USP38: variants seen among roughly 807,000 people sequenced by gnomAD.
USP38 encodes ubiquitin carboxyl-terminal hydrolase 38.
In USP38, 49 loss-of-function variants were observed where a neutral mutation model predicts 94.3. That is an observed-to-expected ratio of 0.52 (90% CI 0.41 to 0.66). The LOEUF (loss-of-function observed/expected upper bound fraction) is 0.66. USP38 is among the 30% of genes least tolerant of loss of function. The probability of loss-of-function intolerance (pLI) is 0.00; values close to 1 mark genes in which losing one functional copy is unlikely to be tolerated. For missense variants in USP38, 1,128 were observed against 1,229.4 expected (o/e 0.92, Z 1.23); for synonymous variants, 468 against 463.6 (o/e 1.01, Z -0.12).
chr4:143,204,033 G>A (rs1731792271), intron 5 of USP38, among the ~76,000 whole-genome samples: 1 of 150,942 alleles, frequency 6.6e-6, no homozygotes, highest in East Asian at 1.9e-4. Context: ...CTAGGCTGGA[G>A]TGCAGTGGTA....
rs939054772 is a variant in USP38 at position 143,222,671 on chromosome 4, A to G, written c.*2215A>G. On this transcript the variant is annotated 3_prime_UTR_variant, in exon 10 of 10. Transcript: ENST00000307017. ...CCAAAAACTTGAAGACTTCCTTTTAACATTAAAAATACAGTAACTTTTTAC... is the reference window on the plus strand; with the variant it reads ...CCAAAAACTTGAAGACTTCCTTTTAGCATTAAAAATACAGTAACTTTTTAC... 6.6e-6 allele frequency: 1 copy of G among 152,114 alleles called. No individual in the cohort carries two copies. The highest frequency in any genetic ancestry group is 2.4e-5 in the African/African-American group (1 of 41,450). 9.4% of individuals were successfully genotyped at this position (152,114 alleles called of 1,614,324 possible). A position where few individuals can be genotyped will look rare whatever the true frequency, so the allele number is the denominator to read the frequency against.
chr4:143,214,008 A>C lies in USP38; in HGVS notation c.2032A>C (p.Ile678Leu), dbSNP rs752980949. The C allele has an allele frequency of 6.2e-7, 1 of 1,613,658 alleles. No homozygotes were observed. The highest frequency in any genetic ancestry group is 1.3e-5 in the African/African-American group (1 of 75,032). ...ICDSLVNEKT[I>L]GSPPNEFYCS... ...TGACTCACTTGTGAATGAAAAAACC[A>C]TAGGCAGTCCTCCTAATGAGTTTTA... is the stretch of plus-strand genomic sequence containing the variant. Residue 678 changes from isoleucine (I) to leucine (L), a missense_variant, in exon 9 of 10, where the codon ATA becomes CTA. Transcript: ENST00000307017.
At position 143,220,482 on chromosome 4, in the gene USP38, G is replaced by A. The variant is rs1159849802; in HGVS notation, c.*26G>A. The A allele has an allele frequency of 1.9e-6, 3 of 1,593,094 alleles. No homozygotes were observed. ...TCCTGAGAGAGTCCAAAATGCACTG[G>A]TCACGAAACGTCTAATACTATGACT... is the stretch of plus-strand genomic sequence containing the variant. On this transcript the variant is annotated 3_prime_UTR_variant, in exon 10 of 10. Coordinates refer to ENST00000307017, the MANE Select transcript of USP38 (RefSeq NM_032557.6).
At chr4:143,215,191 C>T (rs576519611) in intron 9 of USP38, 2 of 463,986 alleles carry the variant, frequency 4.3e-6, no homozygotes, top group African/African-American at 2.0e-5. Flanking sequence ...ATGGCTCATT[C>T]TGAAATCATG....
In USP38 at chr4:143,206,246, T is replaced by G. The variant is rs55760681; in HGVS notation, c.1403+20T>G. 8,005 of 1,537,094 alleles carry G rather than the reference T, an allele frequency of 5.2e-3. 375 individuals carry two copies. In the African/African-American group the frequency reaches 0.1, roughly 19 times the overall value. Reference sequence around the variant, plus strand: ...CACAGAGTAAGTTTAAACTTGAATCTTTTCATTTTAACTGTAGAAGTTGAT... The same window carrying G: ...CACAGAGTAAGTTTAAACTTGAATCGTTTCATTTTAACTGTAGAAGTTGAT... On this transcript the variant is annotated intron_variant, in intron 6 of 9. Coordinates refer to ENST00000307017, the MANE Select transcript of USP38 (RefSeq NM_032557.6).
chr4:143,218,989 T>C (rs1441225028), intron 9 of USP38, among the ~76,000 whole-genome samples: 2 of 152,108 alleles, frequency 1.3e-5, no homozygotes, highest in Non-Finnish European at 2.9e-5. Flanking sequence ...GTTAATTTTA[T>C]AGATCAAAGG....
At chr4:143,190,125 A>G (rs1329327146) in intron 2 of USP38, among the ~76,000 whole-genome samples, 1 of 152,096 alleles carries the variant, frequency 6.6e-6, no homozygotes, top group African/African-American at 2.4e-5. Flanking sequence ...TAACAGCACT[A>G]AAGTGTCTTT....
chr4:143,198,419 G>A (rs1193279826), intron 4 of USP38, among the ~76,000 whole-genome samples: 1 of 152,156 alleles, frequency 6.6e-6, no homozygotes, highest in African/African-American at 2.4e-5. Flanking sequence ...ATCAGTTACT[G>A]CAGATGAGAA....
At position 143,212,263 on chromosome 4, in the gene USP38, C is replaced by G. The variant is rs1732046310; in HGVS notation, c.1498-55C>G. ...ACACTGTATATTAAGATTTCAGTTA[C>G]TTGGTTCATGCTATAAGAATCACTT... is the stretch of plus-strand genomic sequence containing the variant. On this transcript the variant is annotated intron_variant, in intron 7 of 9. Coordinates refer to ENST00000307017, the MANE Select transcript of USP38 (RefSeq NM_032557.6). 28 of 1,396,108 alleles carry G rather than the reference C, an allele frequency of 2.0e-5. No individual in the cohort carries two copies. In the South Asian group the frequency reaches 3.5e-4, roughly 18 times the overall value. The allele number at this position is 1,396,108 out of a possible 1,614,324, so 86.5% of individuals were successfully genotyped here. A position where few individuals can be genotyped will look rare whatever the true frequency, so the allele number is the denominator to read the frequency against.
At chr4:143,188,723 C>T (rs979766922) in intron 2 of USP38, among the ~76,000 whole-genome samples, 1 of 152,012 alleles carries the variant, frequency 6.6e-6, no homozygotes, top group Admixed American at 6.5e-5. Context: ...CCATGAGTGC[C>T]AGGCAGTGTT....
chr4:143,204,664 G>GCA, intron 5 of USP38: 2 of 295,432 alleles, frequency 6.8e-6, no homozygotes, highest in Non-Finnish European at 1.3e-5. Flanking sequence ...TTACAGGCAT[G>GCA]AGCCACTGTG....
In USP38 at chr4:143,214,958, C is replaced by T; in HGVS notation, c.2967+15C>T. On this transcript the variant is annotated intron_variant, in intron 9 of 9. Coordinates refer to ENST00000307017, the MANE Select transcript of USP38 (RefSeq NM_032557.6). ...TATATTTACAGGTAAGTTGGAAATA[C>T]AAGCTTTATTTGTTGAAAATATTAA... 6.2e-7 allele frequency: 1 copy of T among 1,602,112 alleles called. No individual in the cohort carries two copies. Among genetic ancestry groups the T allele is most frequent in the Non-Finnish European group, 8.5e-7 (1 of 1,174,114 alleles).
chr4:143,218,783 G>A (rs759553366), intron 9 of USP38, among the ~76,000 whole-genome samples: 3 of 151,942 alleles, frequency 2.0e-5, no homozygotes, highest in Non-Finnish European at 1.5e-5. Flanking sequence ...GTTTTAATTC[G>A]TTACAGAACA....
chr4:143,201,182 G>C (rs770929796), intron 4 of USP38, among the ~76,000 whole-genome samples: 1 of 152,054 alleles, frequency 6.6e-6, no homozygotes, highest in Non-Finnish European at 1.5e-5. Context: ...ACAAAAACAG[G>C]CACATAGACT....
chr4:143,199,414 T>C (rs901231449), intron 4 of USP38, among the ~76,000 whole-genome samples: 4 of 152,326 alleles, frequency 2.6e-5, no homozygotes, highest in Admixed American at 2.6e-4. Context: ...ATTCCATTTC[T>C]TTGCTATTGT....
intron 4 of USP38, among the ~76,000 whole-genome samples, chr4:143,202,441 C>T (rs562618538): frequency 1.5e-4 from 23 of 152,028 alleles, no homozygotes; most frequent in African/African-American, 4.6e-4. Flanking sequence ...ACTTTTTTAC[C>T]ATGAGTTAGC....
Position 143,185,112 on chromosome 4 carries a change from G to A in USP38, c.-339G>A, listed in dbSNP as rs909960741. 3.8e-5 allele frequency: 8 copies of A among 207,968 alleles called. No individual in the cohort carries two copies. The highest frequency in any genetic ancestry group is 5.9e-5 in the Admixed American group (1 of 17,048). The allele number at this position is 207,968 out of a possible 1,614,324, so 12.9% of individuals were successfully genotyped here. On this transcript the variant is annotated 5_prime_UTR_variant, in exon 1 of 10. Coordinates refer to ENST00000307017, the MANE Select transcript of USP38 (RefSeq NM_032557.6). ...CCGCCGGCTAGCAGCCCCGGGCCCT[G>A]AGCTCCCGCCGACGCCGCTGGGGGG...
In USP38 at chr4:143,198,602, A is replaced by G. The variant is rs532261164; in HGVS notation, c.1050+678A>G. ...AAAATCTTAGGAATACTGATTCACC[A>G]TAACAAACTTTAGAGGAGACTAATG... On this transcript the variant is annotated intron_variant, in intron 4 of 9. Coordinates refer to ENST00000307017, the MANE Select transcript of USP38 (RefSeq NM_032557.6). Among the ~76,000 whole-genome samples, 48 of 152,312 alleles carry G rather than the reference A, an allele frequency of 3.2e-4. No homozygotes were observed. In the South Asian group the frequency reaches 7.7e-3, roughly 24 times the overall value.
intron 6 of USP38, among the ~76,000 whole-genome samples, chr4:143,208,761 A>G (rs949498571): frequency 6.6e-6 from 1 of 151,772 alleles, no homozygotes; most frequent in Non-Finnish European, 1.5e-5. Context: ...TTTTATTTAT[A>G]ATTTTTTAAT....
Sources: allele counts gnomAD v4.1 joint callset (sites outside exome capture counted in the v4.1 genomes callset), GRCh38; gene constraint gnomAD v4.1.1; transcripts MANE v1.5; gene names NCBI Gene and HGNC (gene_info 2026-07-23, HGNC 2026-07-21).